FRMD5: variants seen among roughly 807,000 people sequenced by gnomAD.
FRMD5 encodes the protein FERM domain-containing protein 5.
A neutral mutation model predicts 69.0 loss-of-function variants in FRMD5; 20 were observed. The ratio of observed to expected loss-of-function variants is 0.29; its 90% CI spans 0.20 to 0.42. The LOEUF (loss-of-function observed/expected upper bound fraction) is 0.42, where lower values mean the gene tolerates loss of function less well. FRMD5 is among the 10% of genes least tolerant of loss of function. The pLI, the probability that FRMD5 is intolerant of heterozygous loss-of-function variation, is 1.00. For synonymous variants in FRMD5, 271 were observed against 260.1 expected (o/e 1.04, Z -0.40); for missense variants, 595 against 708.6 (o/e 0.84, Z 1.82).
chr15:43,954,907 A>T (rs559807940), intron 1 of FRMD5, among the ~76,000 whole-genome samples: 1 of 152,342 alleles, frequency 6.6e-6, no homozygotes, highest in East Asian at 1.9e-4. Flanking sequence ...TGAGCATTTT[A>T]CATAGTAAAT....
At chr15:44,194,226 C>T (rs2078244348) in intron 1 of FRMD5, 1 of 152,322 alleles carries the variant, frequency 6.6e-6, no homozygotes, top group Admixed American at 6.5e-5. Flanking sequence ...TTGAGCATTA[C>T]CGTATTGTTG....
intron 1 of FRMD5, among the ~76,000 whole-genome samples, chr15:44,047,992 T>C (rs1187748082): frequency 3.3e-5 from 5 of 152,198 alleles, no homozygotes; most frequent in African/African-American, 1.2e-4. Flanking sequence ...TCTTAAGCTA[T>C]TATGAAAAAT....
chr15:43,995,221 C>T (rs1889864191), intron 1 of FRMD5, among the ~76,000 whole-genome samples: 1 of 152,114 alleles, frequency 6.6e-6, no homozygotes, highest in Non-Finnish European at 1.5e-5. Context: ...AAAGTAAATG[C>T]TATGTAAATA....
chr15:44,121,557 C>T (rs1333476494), intron 1 of FRMD5, among the ~76,000 whole-genome samples: 1 of 151,960 alleles, frequency 6.6e-6, no homozygotes, highest in African/African-American at 2.4e-5. Context: ...ATCACCAAAT[C>T]TCTCAAGCTC....
chr15:44,197,148 C>T (rs1279654069), upstream of FRMD5, among the ~76,000 whole-genome samples: 1 of 151,734 alleles, frequency 6.6e-6, no homozygotes, highest in East Asian at 1.9e-4. Context: ...TTGCAGTGAG[C>T]TGAGATTGTG....
chr15:44,051,018 A>G (rs967229148), intron 1 of FRMD5, among the ~76,000 whole-genome samples: 2 of 151,874 alleles, frequency 1.3e-5, no homozygotes, highest in African/African-American at 2.4e-5. Flanking sequence ...TGGGCAATAC[A>G]TAAACCTACA....
rs573730894 is a variant in FRMD5, at chr15:44,004,451, C to G, written c.103-80142G>C. On this transcript the variant is annotated intron_variant, in intron 1 of 13. Coordinates refer to ENST00000417257, the MANE Select transcript of FRMD5 (RefSeq NM_032892.5). ...CCATTTTTCCAATAGCACATGCACA[C>G]TTCATGTCTCTGTGTCACACTTTGT... Among the ~76,000 whole-genome samples the G allele has an allele frequency of 5.9e-5, 9 of 152,140 alleles. No individual in the cohort carries two copies. The East Asian group carries it at 1.7e-3, about 29-fold the overall frequency.
rs113844889 is a variant in FRMD5, at chr15:44,057,528, G to A, written c.103-133219C>T. On this transcript the variant is annotated intron_variant, in intron 1 of 13. Transcript: ENST00000417257. ...CAATTGCTAACATGGTAATCTAATC[G>A]CCTTGCTTTGCTTCTCAAAGCTTCT... 7.5e-3 allele frequency among the ~76,000 whole-genome samples: 1,138 copies of A among 152,222 alleles called. 21 individuals are homozygous for A. Among genetic ancestry groups the A allele is most frequent in the African/African-American group, 0.026 (1,087 of 41,546 alleles).
Position 44,134,597 on chromosome 15 carries a change from C to T in FRMD5, c.102+60356G>A, listed in dbSNP as rs2615267. On this transcript the variant is annotated intron_variant, in intron 1 of 13. Coordinates refer to ENST00000417257, the MANE Select transcript of FRMD5 (RefSeq NM_032892.5). The stretch of plus-strand genomic sequence containing the variant: ...CCGAGTAGCTGGGATTACAGGCGCG[C>T]GCCACTATCGTCTGGCTAATTTCTG... Among the ~76,000 whole-genome samples, 1,074 of 152,142 alleles carry T rather than the reference C, an allele frequency of 7.1e-3. 76 individuals are homozygous for T. The East Asian group carries it at 0.17, about 25-fold the overall frequency.
At chr15:44,050,978 T>C (rs1390765266) in intron 1 of FRMD5, among the ~76,000 whole-genome samples, 1 of 151,670 alleles carries the variant, frequency 6.6e-6, no homozygotes, top group Admixed American at 6.6e-5. Flanking sequence ...TTCTTGAATT[T>C]AGAAAATATT....
intron 1 of FRMD5, chr15:43,990,162 A>AGCATGGTGATATCATCAT: frequency 1.8e-6 from 1 of 568,158 alleles, no homozygotes; most frequent in Admixed American, 2.2e-5. Flanking sequence ...GTCGACGACA[A>AGCATGGTGATATCATCAT]GCATGGTGAT....
In FRMD5 at chr15:44,117,404, AG is replaced by A. The variant is rs2076884360; in HGVS notation, c.102+77548del. ...AGAAAAATTAGAGAATAAGCCAAAA[AG>A]ACTAAGTCTGCCCATCTAATAAAGA... On this transcript the variant is annotated intron_variant, in intron 1 of 13. Transcript: ENST00000417257. Among the ~76,000 whole-genome samples, 6 of 152,314 alleles carry A rather than the reference AG, an allele frequency of 3.9e-5. No homozygotes were observed. The South Asian group carries it at 1.2e-3, about 32-fold the overall frequency.
intron 1 of FRMD5, among the ~76,000 whole-genome samples, chr15:44,097,241 TG>T (rs1040672491): frequency 2.0e-5 from 3 of 152,002 alleles, no homozygotes; most frequent in African/African-American, 4.8e-5. Flanking sequence ...AGTTGATGAG[TG>T]AGAGTAAAGT....
At chr15:44,036,848 C>A (rs1241571693) in intron 1 of FRMD5, among the ~76,000 whole-genome samples, 1 of 152,180 alleles carries the variant, frequency 6.6e-6, no homozygotes, top group Admixed American at 6.5e-5. Flanking sequence ...GACTCTGCCA[C>A]TTCTTTTGGA....
At chr15:43,964,876 TC>T (rs960366131) in intron 1 of FRMD5, among the ~76,000 whole-genome samples, 2 of 152,188 alleles carry the variant, frequency 1.3e-5, no homozygotes, top group Non-Finnish European at 2.9e-5. Context: ...AGCCCACAGT[TC>T]AGAAGACTCG....
At chr15:44,113,751 T>C (rs962867649) in intron 1 of FRMD5, among the ~76,000 whole-genome samples, 3 of 152,220 alleles carry the variant, frequency 2.0e-5, no homozygotes, top group African/African-American at 7.2e-5. Flanking sequence ...TACTAGCTTT[T>C]TGACCTTGAA....
chr15:44,190,278 A>G (rs949188617), intron 1 of FRMD5, among the ~76,000 whole-genome samples: 7 of 152,192 alleles, frequency 4.6e-5, no homozygotes, highest in African/African-American at 1.7e-4. Flanking sequence ...AGCATGGTCC[A>G]CTTCCTCTTG....
chr15:43,952,549 T>C (rs1313788021), intron 1 of FRMD5, among the ~76,000 whole-genome samples: 2 of 152,202 alleles, frequency 1.3e-5, no homozygotes, highest in East Asian at 1.9e-4. Context: ...AGCACGGCCA[T>C]CATGCAGAGG....
intron 1 of FRMD5, among the ~76,000 whole-genome samples, chr15:43,928,304 G>A (rs548347961): frequency 6.6e-6 from 1 of 152,176 alleles, no homozygotes; most frequent in African/African-American, 2.4e-5. Flanking sequence ...GCTGGGGTGG[G>A]GGTGAGGGGA....
Sources: gnomAD v4.1 joint callset for allele counts (sites outside exome capture counted in the v4.1 genomes callset) on GRCh38, gnomAD v4.1.1 for gene constraint, MANE v1.5 for transcripts, NCBI Gene and HGNC (gene_info 2026-07-23, HGNC 2026-07-21) for gene names.